Variants in NOS1AP observed in about 807,000 individuals in gnomAD.
The protein encoded by NOS1AP is carboxyl-terminal PDZ ligand of neuronal nitric oxide synthase protein.
Under a neutral mutation model 56.2 loss-of-function variants are expected in NOS1AP, and 21 were observed. That is an observed-to-expected ratio of 0.37 (90% CI 0.26 to 0.54). NOS1AP has a LOEUF of 0.54. NOS1AP is among the 20% of genes least tolerant of loss of function. The pLI is 0.84. For missense variants in NOS1AP, 522 were observed against 657.8 expected (o/e 0.79, Z 2.26); for synonymous variants, 270 against 274.6 (o/e 0.98, Z 0.17).
chr1:162,242,189 T>C (rs1019714869), intron 2 of NOS1AP, among the ~76,000 whole-genome samples: 4 of 151,942 alleles, frequency 2.6e-5, no homozygotes, highest in Admixed American at 6.6e-5. Context: ...GTGAATAGGG[T>C]TTTAAGTGAT....
At chr1:162,203,872 T>C (rs552656100) in intron 2 of NOS1AP, among the ~76,000 whole-genome samples, 1 of 152,286 alleles carries the variant, frequency 6.6e-6, no homozygotes, top group East Asian at 1.9e-4. Context: ...GGAAGTTTGA[T>C]AGGATATTAA....
intron 3 of NOS1AP, among the ~76,000 whole-genome samples, chr1:162,299,579 G>A (rs185436160): frequency 2.4e-4 from 37 of 152,206 alleles, no homozygotes; most frequent in Admixed American, 2.1e-3. Context: ...ATTTTATAGG[G>A]TAGTCAGTAG....
chr1:162,111,817 A>G (rs1290076053), intron 1 of NOS1AP, among the ~76,000 whole-genome samples: 1 of 152,202 alleles, frequency 6.6e-6, no homozygotes, highest in South Asian at 2.1e-4. Context: ...CTGGTCAGGA[A>G]TATTGCAGAA....
chr1:162,209,508 A>G (rs1652272596), intron 2 of NOS1AP, among the ~76,000 whole-genome samples: 1 of 152,226 alleles, frequency 6.6e-6, no homozygotes, highest in Admixed American at 6.5e-5. Flanking sequence ...CTAAGTGTCT[A>G]TGAGGACTTG....
At chr1:162,184,379 T>C (rs1304861764) in intron 2 of NOS1AP, among the ~76,000 whole-genome samples, 1 of 152,192 alleles carries the variant, frequency 6.6e-6, no homozygotes, top group Non-Finnish European at 1.5e-5. Context: ...GTGACAGATA[T>C]GAGGTGAGCA....
intron 2 of NOS1AP, among the ~76,000 whole-genome samples, chr1:162,187,240 T>C (rs1651467128): frequency 6.6e-6 from 1 of 152,212 alleles, no homozygotes. Context: ...GTGCTAGGAT[T>C]ACAGGCATGA....
chr1:162,178,921 A>G (rs542404634), intron 2 of NOS1AP, among the ~76,000 whole-genome samples: 1 of 152,134 alleles, frequency 6.6e-6, no homozygotes, highest in African/African-American at 2.4e-5. Flanking sequence ...TCTTATACCT[A>G]TCACTCAGGT....
At chr1:162,221,469 A>AT (rs1652765774) in intron 2 of NOS1AP, among the ~76,000 whole-genome samples, 1 of 151,144 alleles carries the variant, frequency 6.6e-6, no homozygotes, top group Admixed American at 6.6e-5. Context: ...GTTTTTCACC[A>AT]TTAGCACTTT....
intron 1 of NOS1AP, among the ~76,000 whole-genome samples, chr1:162,122,843 C>T (rs1347675265): frequency 2.6e-5 from 4 of 152,080 alleles, no homozygotes; most frequent in African/African-American, 9.7e-5. Flanking sequence ...AGGATTTAAA[C>T]TTCTTTAATT....
At chr1:162,280,011 A>C (rs1012072027) in intron 2 of NOS1AP, among the ~76,000 whole-genome samples, 36 of 152,116 alleles carry the variant, frequency 2.4e-4, no homozygotes, top group African/African-American at 8.7e-4. Context: ...TCCTCTATAA[A>C]TTTTTTAATG....
chr1:162,325,441 G>C (rs1656553759), intron 4 of NOS1AP, among the ~76,000 whole-genome samples: 1 of 152,118 alleles, frequency 6.6e-6, no homozygotes, highest in African/African-American at 2.4e-5. Context: ...TCTTCCTATA[G>C]TGTCTGGTGG....
At chr1:162,224,655 T>G (rs1652884580) in intron 2 of NOS1AP, among the ~76,000 whole-genome samples, 3 of 152,190 alleles carry the variant, frequency 2.0e-5, no homozygotes, top group African/African-American at 4.8e-5. Context: ...AAAATTGTAC[T>G]GAACAAGAAG....
chr1:162,364,607 C>T (rs553584630), intron 8 of NOS1AP: 1 of 985,476 alleles, frequency 1.0e-6, no homozygotes, highest in Non-Finnish European at 1.2e-6. Flanking sequence ...AGGTTGGAAA[C>T]TGATGAGGGT....
intron 1 of NOS1AP, among the ~76,000 whole-genome samples, chr1:162,119,177 A>AG (rs1233811550): frequency 6.6e-6 from 1 of 152,072 alleles, no homozygotes; most frequent in Non-Finnish European, 1.5e-5. Flanking sequence ...ACCGGAAGAG[A>AG]GGCTGCTTGG....
intron 1 of NOS1AP, among the ~76,000 whole-genome samples, chr1:162,081,774 A>ATATATATATTTTTT: frequency 1.6e-4 from 7 of 44,058 alleles, no homozygotes; most frequent in Non-Finnish European, 9.3e-5. Context: ...ATATATATAT[A>ATATATATATTTTTT]TTTTTTTTTT....
intron 2 of NOS1AP, among the ~76,000 whole-genome samples, chr1:162,264,187 G>A (rs922405394): frequency 6.6e-6 from 1 of 152,036 alleles, no homozygotes; most frequent in Non-Finnish European, 1.5e-5. Flanking sequence ...TCTCTCTTAG[G>A]GTAAAGGCCA....
chr1:162,082,626 C>T (rs1691919808), intron 1 of NOS1AP, among the ~76,000 whole-genome samples: 1 of 152,044 alleles, frequency 6.6e-6, no homozygotes, highest in African/African-American at 2.4e-5. Context: ...TTAGTAATAC[C>T]CCTTTTGACT....
At chr1:162,118,144 G>A (rs1041156874) in intron 1 of NOS1AP, among the ~76,000 whole-genome samples, 1 of 152,188 alleles carries the variant, frequency 6.6e-6, no homozygotes, top group Non-Finnish European at 1.5e-5. Flanking sequence ...ATACAGGTTT[G>A]TTCCATGGGT....
At chr1:162,310,583 T>C (rs1342291332) in intron 4 of NOS1AP, among the ~76,000 whole-genome samples, 1 of 152,250 alleles carries the variant, frequency 6.6e-6, no homozygotes, top group Non-Finnish European at 1.5e-5. Context: ...TGATAGTTCC[T>C]TTTCATACAT....
Sources: gnomAD v4.1 joint callset for allele counts (sites outside exome capture counted in the v4.1 genomes callset) on GRCh38, gnomAD v4.1.1 for gene constraint, MANE v1.5 for transcripts, NCBI Gene and HGNC (gene_info 2026-07-23, HGNC 2026-07-21) for gene names.